DLG2: variants seen among roughly 807,000 people sequenced by gnomAD.
The protein encoded by DLG2 is discs large MAGUK scaffold protein 2, also known as disks large homolog 2.
In DLG2, 45 loss-of-function variants were observed where a neutral mutation model predicts 132.5. The ratio of observed to expected loss-of-function variants is 0.34; its 90% CI spans 0.27 to 0.44. The LOEUF (loss-of-function observed/expected upper bound fraction) is 0.44, where lower values mean the gene tolerates loss of function less well. Ranked by LOEUF, DLG2 falls within the 20% of genes least tolerant of loss-of-function variation. The pLI is 1.00. For synonymous variants in DLG2, 424 were observed against 419.6 expected (o/e 1.01, Z -0.13); for missense variants, 1,045 against 1,196.9 (o/e 0.87, Z 1.87).
At chr11:84,958,008 T>C (rs955881492) in intron 6 of DLG2, among the ~76,000 whole-genome samples, 12 of 152,162 alleles carry the variant, frequency 7.9e-5, no homozygotes, top group African/African-American at 2.9e-4. Flanking sequence ...GGCTACCTAG[T>C]AGATGTCTGA....
intron 3 of DLG2, among the ~76,000 whole-genome samples, chr11:85,363,551 A>G (rs534471470): frequency 6.6e-6 from 1 of 152,338 alleles, no homozygotes; most frequent in South Asian, 2.1e-4. Context: ...TCATCTAGCT[A>G]AAGTTCTAAA....
At chr11:83,885,592 A>T (rs2067614492) in intron 15 of DLG2, among the ~76,000 whole-genome samples, 1 of 152,188 alleles carries the variant, frequency 6.6e-6, no homozygotes. Context: ...CAGGAAATAC[A>T]GAGAACGCCA....
At chr11:85,499,839 C>A (rs940744878) in intron 3 of DLG2, among the ~76,000 whole-genome samples, 3 of 152,052 alleles carry the variant, frequency 2.0e-5, no homozygotes, top group Non-Finnish European at 4.4e-5. Context: ...GAACCAAGAA[C>A]AAAAAACACA....
At chr11:85,253,200 T>C (rs895852456) in intron 4 of DLG2, among the ~76,000 whole-genome samples, 13 of 152,210 alleles carry the variant, frequency 8.5e-5, no homozygotes, top group African/African-American at 3.1e-4. Flanking sequence ...TCTGCATAGA[T>C]GTGGAAGTAA....
chr11:84,602,268 A>G (rs1446656153), intron 6 of DLG2, among the ~76,000 whole-genome samples: 1 of 151,870 alleles, frequency 6.6e-6, no homozygotes, highest in Non-Finnish European at 1.5e-5. Context: ...GTCTCAGTTT[A>G]TTCTCTAAAC....
chr11:84,938,088 GTAT>G (rs2048967993), intron 6 of DLG2, among the ~76,000 whole-genome samples: 2 of 152,292 alleles, frequency 1.3e-5, no homozygotes, highest in South Asian at 4.1e-4. Flanking sequence ...TGTGAGGTTT[GTAT>G]TATAATAACT....
At chr11:84,755,976 G>C (rs986001428) in intron 6 of DLG2, among the ~76,000 whole-genome samples, 3 of 151,978 alleles carry the variant, frequency 2.0e-5, no homozygotes, top group African/African-American at 7.2e-5. Context: ...AATGACTGGC[G>C]TACTTCATCA....
chr11:83,588,621 C>G (rs201882633), intron 19 of DLG2, among the ~76,000 whole-genome samples: 33,496 of 151,116 alleles, frequency 0.22, 3,867 homozygotes, highest in Non-Finnish European at 0.24. Flanking sequence ...TCACCAGCAA[C>G]GGAACAAAGC....
chr11:85,550,492 G>A (rs2076600989), intron 3 of DLG2, among the ~76,000 whole-genome samples: 1 of 152,208 alleles, frequency 6.6e-6, no homozygotes, highest in Non-Finnish European at 1.5e-5. Flanking sequence ...CCAAGTGAGT[G>A]GGGTTTGATC....
At chr11:85,087,839 C>T (rs1305388659) in intron 6 of DLG2, among the ~76,000 whole-genome samples, 23 of 67,632 alleles carry the variant, frequency 3.4e-4, no homozygotes, top group Non-Finnish European at 6.0e-4. Context: ...AGCGAGACTC[C>T]GTCTCAAAAA....
intron 6 of DLG2, among the ~76,000 whole-genome samples, chr11:84,843,239 C>A (rs900882221): frequency 6.6e-6 from 1 of 150,990 alleles, no homozygotes; most frequent in South Asian, 2.1e-4. Context: ...AAATTGTATA[C>A]ATCAAATACA....
intron 4 of DLG2, among the ~76,000 whole-genome samples, chr11:85,224,105 A>T (rs545236041): frequency 4.8e-4 from 73 of 152,298 alleles, no homozygotes; most frequent in African/African-American, 1.5e-3. Context: ...AAATTAATCT[A>T]TATAAAACAT....
chr11:84,351,918 G>C (rs1015213543), intron 7 of DLG2, among the ~76,000 whole-genome samples: 1 of 152,154 alleles, frequency 6.6e-6, no homozygotes, highest in African/African-American at 2.4e-5. Context: ...GACAGCTCTT[G>C]GCCAAGAAGA....
intron 19 of DLG2, among the ~76,000 whole-genome samples, chr11:83,622,277 C>T (rs2061754505): frequency 6.6e-6 from 1 of 152,166 alleles, no homozygotes; most frequent in African/African-American, 2.4e-5. Flanking sequence ...TTGCACCGGG[C>T]CCCTGCAAAT....
At chr11:85,239,599 T>C (rs2075774352) in intron 4 of DLG2, among the ~76,000 whole-genome samples, 2 of 152,132 alleles carry the variant, frequency 1.3e-5, no homozygotes, top group East Asian at 1.9e-4. Flanking sequence ...ACCTGTGTTG[T>C]TGAAGGGTCA....
At chr11:84,108,830 C>G (rs932637828) in intron 9 of DLG2, among the ~76,000 whole-genome samples, 9 of 151,936 alleles carry the variant, frequency 5.9e-5, no homozygotes, top group African/African-American at 2.2e-4. Flanking sequence ...TTGATGGCAT[C>G]TGAACTAGGC....
At chr11:84,154,198 AT>A (rs1566732991) in intron 9 of DLG2, among the ~76,000 whole-genome samples, 1 of 152,176 alleles carries the variant, frequency 6.6e-6, no homozygotes, top group East Asian at 1.9e-4. Flanking sequence ...GGGTTTCACC[AT>A]GTTGGCCAGG....
intron 6 of DLG2, among the ~76,000 whole-genome samples, chr11:84,782,106 C>A (rs2071907080): frequency 6.6e-6 from 1 of 152,048 alleles, no homozygotes; most frequent in Admixed American, 6.6e-5. Context: ...CCATGGATAC[C>A]TGCAAAACCC....
chr11:84,049,027 G>T (rs1477899211), intron 11 of DLG2, among the ~76,000 whole-genome samples: 1 of 151,478 alleles, frequency 6.6e-6, no homozygotes, highest in Non-Finnish European at 1.5e-5. Flanking sequence ...TTAGCCAAAT[G>T]ACTAATGTCA....
Sources: allele counts gnomAD v4.1 joint callset (sites outside exome capture counted in the v4.1 genomes callset), GRCh38; gene constraint gnomAD v4.1.1; transcripts MANE v1.5; gene names NCBI Gene and HGNC (gene_info 2026-07-23, HGNC 2026-07-21).